The following TMC7 variants were observed in gnomAD, a reference collection of about 807,000 sequenced individuals.
TMC7 encodes the protein transmembrane channel like 7.
Under a neutral mutation model 82.9 loss-of-function variants are expected in TMC7, and 54 were observed. The observed-to-expected ratio is 0.65, with a 90% CI of 0.52 to 0.82. TMC7 has a LOEUF of 0.82. Ranked by LOEUF, TMC7 falls within the 40% of genes least tolerant of loss-of-function variation. TMC7 has a pLI of 0.00. For missense variants in TMC7, 820 were observed against 901.2 expected (o/e 0.91, Z 1.15); for synonymous variants, 350 against 337.9 (o/e 1.04, Z -0.39).
chr16:19,004,609 C>T (rs1211814284), intron 1 of TMC7, among the ~76,000 whole-genome samples: 3 of 152,190 alleles, frequency 2.0e-5, no homozygotes, highest in African/African-American at 7.2e-5. Context: ...AAGTGATCCA[C>T]CTGCCTCAGC....
At chr16:19,011,649 G>A (rs376085454) in intron 2 of TMC7, among the ~76,000 whole-genome samples, 7 of 152,092 alleles carry the variant, frequency 4.6e-5, no homozygotes, top group Non-Finnish European at 1.0e-4. Flanking sequence ...CCCAGGGCTA[G>A]GAGGGCTGCA....
At chr16:19,028,440 T>G (rs74903541) in intron 5 of TMC7, among the ~76,000 whole-genome samples, 2,032 of 152,234 alleles carry the variant, frequency 0.013, 39 homozygotes, top group African/African-American at 0.045. Flanking sequence ...CTTACTGTTC[T>G]TCTTCTTCAA....
chr16:18,995,246 AAC>A (rs1483167571), intron 1 of TMC7, among the ~76,000 whole-genome samples: 2 of 152,152 alleles, frequency 1.3e-5, no homozygotes, highest in Non-Finnish European at 2.9e-5. Context: ...AGGCAAGGGA[AAC>A]TGGCCCTTGA....
intron 5 of TMC7, among the ~76,000 whole-genome samples, chr16:19,025,819 A>G (rs1272004145): frequency 1.3e-5 from 2 of 151,516 alleles, no homozygotes; most frequent in African/African-American, 4.9e-5. Context: ...CAGTGGCACA[A>G]TCTTGGCTCA....
chr16:19,061,238 C>G (rs919661108), intron 15 of TMC7, among the ~76,000 whole-genome samples: 1 of 151,872 alleles, frequency 6.6e-6, no homozygotes, highest in Non-Finnish European at 1.5e-5. Context: ...GTCTCGAACT[C>G]CTGACCTCAG....
chr16:19,026,418 A>G (rs968829651), intron 5 of TMC7, among the ~76,000 whole-genome samples: 24 of 151,338 alleles, frequency 1.6e-4, no homozygotes, highest in African/African-American at 5.8e-4. Flanking sequence ...TGGAGCTTGC[A>G]GCGAGCCGAG....
intron 2 of TMC7, 145 bp downstream of exon 2, chr16:19,009,560 T>A: frequency 1.9e-6 from 2 of 1,052,644 alleles, no homozygotes; most frequent in Non-Finnish European, 2.6e-6. Context: ...CAAACATACC[T>A]GAATTTTCTT....
intron 9 of TMC7, among the ~76,000 whole-genome samples, chr16:19,040,884 C>A (rs1379058149): frequency 6.8e-6 from 1 of 147,278 alleles, no homozygotes; most frequent in Non-Finnish European, 1.5e-5. Context: ...TGAAAATTTT[C>A]TTTGATTCTT....
intron 9 of TMC7, 150 bp from the exon 10 acceptor site, chr16:19,044,734 C>T (rs983363354): frequency 6.8e-6 from 4 of 591,042 alleles, no homozygotes; most frequent in African/African-American, 5.9e-5. Flanking sequence ...CACCACTGCT[C>T]TCCAGCCTGG....
At chr16:19,034,268 A>T (rs1392097971) in intron 6 of TMC7, among the ~76,000 whole-genome samples, 1 of 152,182 alleles carries the variant, frequency 6.6e-6, no homozygotes, top group Non-Finnish European at 1.5e-5. Context: ...CAGATGAATA[A>T]GATAATTGCA....
chr16:19,033,125 C>T (rs1319480894), intron 6 of TMC7, among the ~76,000 whole-genome samples: 1 of 152,134 alleles, frequency 6.6e-6, no homozygotes, highest in African/African-American at 2.4e-5. Flanking sequence ...GAGACCATCG[C>T]TGGAATGCCA....
At chr16:19,015,083 C>T (rs1435693787) in intron 2 of TMC7, among the ~76,000 whole-genome samples, 1 of 152,026 alleles carries the variant, frequency 6.6e-6, no homozygotes, top group Non-Finnish European at 1.5e-5. Flanking sequence ...CCTGCCTCAG[C>T]CTCCCTAGTA....
At chr16:19,045,529 G>A in intron 11 of TMC7, 91 bp downstream of exon 11, 1 of 901,868 alleles carries the variant, frequency 1.1e-6, no homozygotes, top group Non-Finnish European at 1.8e-6. Context: ...TCCCATTGCA[G>A]CTGCATTCCA....
intron 13 of TMC7, 141 bp from the exon 14 acceptor site, chr16:19,056,401 G>T: frequency 2.0e-6 from 2 of 998,730 alleles, no homozygotes; most frequent in Non-Finnish European, 1.4e-6. Context: ...AAGCATTTTC[G>T]ACTCAAACAT....
chr16:19,030,983 T>C (rs1208263577), intron 6 of TMC7, among the ~76,000 whole-genome samples: 2 of 152,150 alleles, frequency 1.3e-5, no homozygotes, highest in African/African-American at 4.8e-5. Flanking sequence ...TACTGGGTTG[T>C]AAGTAGCAGA....
chr16:19,041,316 T>C (rs1961003060), intron 9 of TMC7, among the ~76,000 whole-genome samples: 1 of 152,200 alleles, frequency 6.6e-6, no homozygotes, highest in Non-Finnish European at 1.5e-5. Context: ...TTTGCTAGAT[T>C]ATTTTAAGCA....
At chr16:19,023,080 T>C in intron 4 of TMC7, 33 bp from the exon 5 acceptor site, 1 of 1,423,650 alleles carries the variant, frequency 7.0e-7, no homozygotes, top group Non-Finnish European at 9.8e-7. Flanking sequence ...CTAAAACTGT[T>C]TCCACTGACA....
intron 8 of TMC7, among the ~76,000 whole-genome samples, chr16:19,038,925 T>C (rs1303008655): frequency 1.3e-5 from 2 of 152,162 alleles, no homozygotes; most frequent in Non-Finnish European, 2.9e-5. Flanking sequence ...TCCCTGACTG[T>C]TATTTTTGAA....
chr16:18,985,500 T>C (rs1035122722), intron 1 of TMC7, among the ~76,000 whole-genome samples: 5 of 152,200 alleles, frequency 3.3e-5, no homozygotes, highest in South Asian at 2.1e-4. Flanking sequence ...TTTTAGTTGG[T>C]TCCTATTAAT....
Sources: allele counts gnomAD v4.1 joint callset (sites outside exome capture counted in the v4.1 genomes callset), GRCh38; gene constraint gnomAD v4.1.1; transcripts MANE v1.5; gene names NCBI Gene and HGNC (gene_info 2026-07-23, HGNC 2026-07-21).